DYNC1H1: variants seen among roughly 807,000 people sequenced by gnomAD.
The protein encoded by DYNC1H1 is dynein cytoplasmic 1 heavy chain 1, also known as cytoplasmic dynein 1 heavy chain 1.
A neutral mutation model predicts 527.1 loss-of-function variants in DYNC1H1; 51 were observed. The observed-to-expected ratio is 0.10, with a 90% CI of 0.08 to 0.12. DYNC1H1 has a LOEUF of 0.12. Ranked by LOEUF, DYNC1H1 falls within the 10% of genes least tolerant of loss-of-function variation. The pLI is 1.00. For missense variants in DYNC1H1, 2,771 were observed against 5,971.8 expected, an observed-to-expected ratio of 0.46 and a Z score of 17.66; for synonymous variants, 2,189 against 2,278.8, an observed-to-expected ratio of 0.96 and a Z score of 1.12.
Position 102,053,397 on chromosome 14 carries a change from G to T in DYNC1H1, c.*2834G>T, listed in dbSNP as rs1266182430. 4 of 151,970 alleles carry T rather than the reference G, an allele frequency of 2.6e-5. No individual in the cohort carries two copies. Among genetic ancestry groups the T allele is most frequent in the Admixed American group, 2.6e-4 (4 of 15,230 alleles). The allele number at this position is 151,970 out of a possible 1,614,324, so 9.4% of individuals were successfully genotyped here. ...CCGCCTCAGCCTCCCAAGGTGCTGG[G>T]ATTACAGGTGTGAGCCACCACGCCT... On this transcript the variant is annotated 3_prime_UTR_variant, in exon 78 of 78. Coordinates refer to ENST00000360184, the MANE Select transcript of DYNC1H1 (RefSeq NM_001376.5).
chr14:102,002,724 G>T lies in DYNC1H1; in HGVS notation c.4709+21G>T. 6.2e-7 allele frequency: 1 copy of T among 1,614,216 alleles called. No homozygotes were observed. Among genetic ancestry groups the T allele is most frequent in the South Asian group, 1.1e-5 (1 of 91,074 alleles). ...CAGAGGTATGGCCTCCAGCCAGAGA[G>T]CCAAATTTGCCAGCGGCTAGTGACT... On this transcript the variant is annotated intron_variant, in intron 22 of 77. Coordinates refer to ENST00000360184, the MANE Select transcript of DYNC1H1 (RefSeq NM_001376.5). This position sits in a 1 kb window ranked among gnomAD's most constrained non-coding sequence, Gnocchi z 4.4.
rs377187843 is a variant in DYNC1H1 at position 102,011,851 on chromosome 14, G to A, written c.6619-24G>A. 6.2e-7 allele frequency: 1 copy of A among 1,612,304 alleles called. No individual in the cohort carries two copies. The highest frequency in any genetic ancestry group is 8.5e-7 in the Non-Finnish European group (1 of 1,178,540). On this transcript the variant is annotated intron_variant, in intron 32 of 77. Transcript: ENST00000360184. This position sits in a 1 kb window ranked among gnomAD's most constrained non-coding sequence, Gnocchi z 5.3. Reference sequence around the variant, plus strand: ...CCATTCCTCCTCTGGGATGGTCACTGTGCTGGTCTGTTGGGCCCTGCAGGT... The same window carrying A: ...CCATTCCTCCTCTGGGATGGTCACTATGCTGGTCTGTTGGGCCCTGCAGGT...
At position 102,042,923 on chromosome 14, in the gene DYNC1H1, A is replaced by C. The variant is rs2048669566; in HGVS notation, c.12513+175A>C. The C allele has an allele frequency of 2.7e-6, 2 of 735,192 alleles. No homozygotes were observed. The highest frequency in any genetic ancestry group is 4.7e-6 in the Non-Finnish European group (2 of 426,714). The allele number at this position is 735,192 out of a possible 1,614,324, so 45.5% of individuals were successfully genotyped here. A position where few individuals can be genotyped will look rare whatever the true frequency, so the allele number is the denominator to read the frequency against. Reference sequence around the variant, plus strand: ...CTTCCATGGCCGGGCACCGTGGCTCACACTGGTAATCCTAGCACTTTGGAA... The same window carrying C: ...CTTCCATGGCCGGGCACCGTGGCTCCCACTGGTAATCCTAGCACTTTGGAA... On this transcript the variant is annotated intron_variant, in intron 69 of 77. Coordinates refer to ENST00000360184, the MANE Select transcript of DYNC1H1 (RefSeq NM_001376.5). The surrounding 1 kb of genome is among the most constrained non-coding windows in gnomAD (Gnocchi z 5.7).
Position 102,040,330 on chromosome 14 carries a change from G to A in DYNC1H1, c.11785G>A (p.Val3929Met), listed in dbSNP as rs867293260. The change falls in exon 63 of 78, where the codon GTG becomes ATG. Residue 3929 changes from valine (V) to methionine (M), a missense_variant. Coordinates refer to ENST00000360184, the MANE Select transcript of DYNC1H1 (RefSeq NM_001376.5). ...CACCCCCAGGATCCAGGGCCTGACT[G>A]TGGAGCAGGCGGAGGCGGTGGTGAG... Reference protein sequence around the residue: ...GSTPRIQGLTVEQAEAVVRLS... With the variant: ...GSTPRIQGLTMEQAEAVVRLS... 4 of 1,614,112 alleles carry A rather than the reference G, an allele frequency of 2.5e-6. No homozygotes were observed. Among genetic ancestry groups the A allele is most frequent in the African/African-American group, 2.7e-5 (2 of 74,938 alleles).
Position 102,017,625 on chromosome 14 carries a change from C to A in DYNC1H1, c.8177+121C>A. 1 of 1,538,110 alleles carries A rather than the reference C, an allele frequency of 6.5e-7. No individual in the cohort carries two copies. Among genetic ancestry groups the A allele is most frequent in the Non-Finnish European group, 8.9e-7 (1 of 1,118,070 alleles). Reference sequence around the variant, plus strand: ...ACAACAATACTGCTTATTGTGGATTCCTCTTGGGTTACTTCTCTGTGCTGT... The same window carrying A: ...ACAACAATACTGCTTATTGTGGATTACTCTTGGGTTACTTCTCTGTGCTGT... On this transcript the variant is annotated intron_variant, in intron 40 of 77. Transcript: ENST00000360184. This position sits in a 1 kb window ranked among gnomAD's most constrained non-coding sequence, Gnocchi z 4.6.
chr14:102,016,655 C>G lies in DYNC1H1; in HGVS notation c.7615-111C>G, dbSNP rs1353872671. ...GTGTTAGCAAAGAGTGCAGATTAAC[C>G]TGACCAATTACTTCCTTGTTCTGAA... On this transcript the variant is annotated intron_variant, in intron 37 of 77. Coordinates refer to ENST00000360184, the MANE Select transcript of DYNC1H1 (RefSeq NM_001376.5). The surrounding 1 kb of genome is among the most constrained non-coding windows in gnomAD (Gnocchi z 7.3). 6.5e-7 allele frequency: 1 copy of G among 1,534,964 alleles called. No homozygotes were observed. The highest frequency in any genetic ancestry group is 8.9e-7 in the Non-Finnish European group (1 of 1,123,012).
chr14:101,965,655 T>C lies in DYNC1H1; in HGVS notation c.256+708T>C, dbSNP rs2047658802. Among the ~76,000 whole-genome samples, 1 of 152,042 alleles carries C rather than the reference T, an allele frequency of 6.6e-6. No homozygotes were observed. The highest frequency in any genetic ancestry group is 1.5e-5 in the Non-Finnish European group (1 of 68,012). The stretch of plus-strand genomic sequence containing the variant: ...TGAGGAAACTGAGGCTCAGGTTAAG[T>C]GATTTCACCCAAGGTCACCAGCTAA... On this transcript the variant is annotated intron_variant, in intron 1 of 77. Transcript: ENST00000360184. The surrounding 1 kb of genome is among the most constrained non-coding windows in gnomAD (Gnocchi z 4.1).
chr14:102,018,321 C>G lies in DYNC1H1; in HGVS notation c.8178-130C>G. On this transcript the variant is annotated intron_variant, in intron 40 of 77. Coordinates refer to ENST00000360184, the MANE Select transcript of DYNC1H1 (RefSeq NM_001376.5). This position sits in a 1 kb window ranked among gnomAD's most constrained non-coding sequence, Gnocchi z 5.2. Reference sequence around the variant, plus strand: ...GTGTGATCTCAGCTAACACTGATGTCAAGTCTGCATAGCTGGGTTAGGAAG... The same window carrying G: ...GTGTGATCTCAGCTAACACTGATGTGAAGTCTGCATAGCTGGGTTAGGAAG... 1 of 1,307,578 alleles carries G rather than the reference C, an allele frequency of 7.6e-7. No individual in the cohort carries two copies. Among genetic ancestry groups the G allele is most frequent in the East Asian group, 2.5e-5 (1 of 39,544 alleles). 81.0% of individuals were successfully genotyped at this position (1,307,578 alleles called of 1,614,324 possible). A position where few individuals can be genotyped will look rare whatever the true frequency, so the allele number is the denominator to read the frequency against.
In DYNC1H1 at chr14:102,011,709, G is replaced by T. The variant is rs2048260604; in HGVS notation, c.6619-166G>T. 2 of 689,816 alleles carry T rather than the reference G, an allele frequency of 2.9e-6. No homozygotes were observed. Among genetic ancestry groups the T allele is most frequent in the East Asian group, 5.5e-5 (2 of 36,188 alleles). 42.7% of individuals were successfully genotyped at this position (689,816 alleles called of 1,614,324 possible). A position where few individuals can be genotyped will look rare whatever the true frequency, so the allele number is the denominator to read the frequency against. On this transcript the variant is annotated intron_variant, in intron 32 of 77. Coordinates refer to ENST00000360184, the MANE Select transcript of DYNC1H1 (RefSeq NM_001376.5). The surrounding 1 kb of genome is among the most constrained non-coding windows in gnomAD (Gnocchi z 5.3). ...GGAGCTTGCGGTGAGCTGAGATCGTGCCACTGCATTCCAGTCTGGGTGACA... is the reference window on the plus strand; with the variant it reads ...GGAGCTTGCGGTGAGCTGAGATCGTTCCACTGCATTCCAGTCTGGGTGACA...
intron 1 of DYNC1H1, among the ~76,000 whole-genome samples, chr14:101,972,818 G>A (rs1219647550): frequency 3.9e-5 from 6 of 151,908 alleles, no homozygotes; most frequent in South Asian, 2.1e-4. Flanking sequence ...ATATTGTTTC[G>A]GTGTTATTTT....
rs764501836 is a variant in DYNC1H1, at chr14:102,047,788, C to A, written c.13007-29C>A. ...TTTCTTGCCCGTCCCCTCCCTCCTT[C>A]CTGCTGCGACTGTGGGACTGTGGCC... On this transcript the variant is annotated intron_variant, in intron 72 of 77. Coordinates refer to ENST00000360184, the MANE Select transcript of DYNC1H1 (RefSeq NM_001376.5). 2.5e-6 allele frequency: 4 copies of A among 1,612,172 alleles called. 1 individual carries two copies. Among genetic ancestry groups the A allele is most frequent in the Non-Finnish European group, 3.4e-6 (4 of 1,179,904 alleles).
In DYNC1H1 at chr14:102,010,877, G is replaced by A; in HGVS notation, c.6543G>A (p.Glu2181=). The change falls in exon 32 of 78, where the codon GAG becomes GAA. Residue 2181 remains glutamate (E), a synonymous_variant. Coordinates refer to ENST00000360184, the MANE Select transcript of DYNC1H1 (RefSeq NM_001376.5). The surrounding 1 kb of genome is among the most constrained non-coding windows in gnomAD (Gnocchi z 6.0). The stretch of plus-strand genomic sequence containing the variant: ...GTGAGATGACTGCCCTTCGAGAGGA[G>A]CTGAAGAAAGTGTGTCAGGAGATGT... ...HRGEMTALRE[E]LKKVCQEMYL... The A allele has an allele frequency of 6.2e-7, 1 of 1,614,270 alleles. No homozygotes were observed. Among genetic ancestry groups the A allele is most frequent in the South Asian group, 1.1e-5 (1 of 91,090 alleles).
intron 11 of DYNC1H1, among the ~76,000 whole-genome samples, chr14:101,992,521 C>G (rs2048009134): frequency 1.3e-5 from 2 of 152,180 alleles, no homozygotes; most frequent in Non-Finnish European, 1.5e-5. Flanking sequence ...CCAAATTTAA[C>G]AAACTAAAGC....
At chr14:101,996,506 G>A (rs893321380) in intron 15 of DYNC1H1, among the ~76,000 whole-genome samples, 4 of 152,122 alleles carry the variant, frequency 2.6e-5, no homozygotes, top group Non-Finnish European at 5.9e-5. Flanking sequence ...GGGGCCATCC[G>A]GATGCAGTGC....
At chr14:102,009,009 A>G (rs535183060) in intron 29 of DYNC1H1, among the ~76,000 whole-genome samples, 1 of 152,184 alleles carries the variant, frequency 6.6e-6, no homozygotes, top group South Asian at 2.1e-4. Flanking sequence ...CCCCCTCTTC[A>G]TTCTCACATC....
At chr14:101,970,500 T>G (rs951882740) in intron 1 of DYNC1H1, among the ~76,000 whole-genome samples, 1 of 131,052 alleles carries the variant, frequency 7.6e-6, no homozygotes, top group African/African-American at 3.3e-5. Flanking sequence ...TTTTTTTTTT[T>G]GAGATGGCGT....
chr14:102,046,147 G>A (rs1182901113), intron 72 of DYNC1H1, among the ~76,000 whole-genome samples: 5 of 150,594 alleles, frequency 3.3e-5, no homozygotes, highest in East Asian at 2.0e-4. Context: ...CAGCCTGGGC[G>A]ACAGAGCAAG....
At chr14:102,045,746 C>T (rs185065836) in intron 72 of DYNC1H1, among the ~76,000 whole-genome samples, 2 of 152,072 alleles carry the variant, frequency 1.3e-5, no homozygotes, top group Admixed American at 1.3e-4. Flanking sequence ...CACTTACTTA[C>T]AAGATGTTTT....
rs758458056 is a variant in DYNC1H1, at chr14:102,054,564, CT to C, written c.*4023del. 3.4e-3 allele frequency: 391 copies of C among 113,828 alleles called. 1 individual carries two copies. The highest frequency in any genetic ancestry group is 5.3e-3 in the Middle Eastern group (1 of 190). 7.1% of individuals were successfully genotyped at this position (113,828 alleles called of 1,614,324 possible). ...CATCACCAACAGAGCCTTTGCAGAA[CT>C]TTTTTTTTTTTTTTTTTTTTTGAGA... On this transcript the variant is annotated 3_prime_UTR_variant, in exon 78 of 78. Transcript: ENST00000360184.
Sources: gnomAD v4.1 joint callset for allele counts (sites outside exome capture counted in the v4.1 genomes callset) on GRCh38, gnomAD v4.1.1 for gene constraint, Gnocchi (gnomAD v3.1) non-coding constraint, MANE v1.5 for transcripts, NCBI Gene and HGNC (gene_info 2026-07-23, HGNC 2026-07-21) for gene names.